The following GPHN variants were observed in gnomAD, a reference collection of about 807,000 sequenced individuals.
The protein encoded by GPHN is gephyrin.
GPHN carries 17 observed loss-of-function variants against 95.5 expected under a neutral mutation model. That is an observed-to-expected ratio of 0.18 (90% CI 0.12 to 0.27). The LOEUF is 0.27. GPHN is among the 10% of genes least tolerant of loss of function. GPHN has a pLI of 1.00. For synonymous variants in GPHN, 320 were observed against 322.5 expected (o/e 0.99, Z 0.08); for missense variants, 660 against 978.1 (o/e 0.67, Z 4.34).
chr14:66,586,579 C>T (rs186873368), intron 1 of GPHN, among the ~76,000 whole-genome samples: 13 of 152,248 alleles, frequency 8.5e-5, no homozygotes, highest in Admixed American at 7.2e-4. Context: ...GTAGGGCAGG[C>T]TTGGTGGTGA....
chr14:67,315,912 G>A, the GPHN span, among the ~76,000 whole-genome samples: 14 of 152,368 alleles, frequency 9.2e-5, no homozygotes, highest in East Asian at 1.3e-3. Context: ...GTGACAGAGC[G>A]AGACTTCGTC....
chr14:67,689,919 T>C, the GPHN span, among the ~76,000 whole-genome samples: 2 of 151,536 alleles, frequency 1.3e-5, no homozygotes, highest in African/African-American at 4.9e-5. Context: ...CACTCCAGCA[T>C]GGGTGACAGA....
intron 9 of GPHN, among the ~76,000 whole-genome samples, chr14:67,000,438 A>T (rs977516929): frequency 1.3e-5 from 2 of 151,762 alleles, no homozygotes; most frequent in African/African-American, 4.8e-5. Flanking sequence ...TAAAGATTCT[A>T]TACTGTGAGA....
At chr14:67,637,173 G>T in the GPHN span, among the ~76,000 whole-genome samples, 2 of 152,112 alleles carry the variant, frequency 1.3e-5, no homozygotes, top group Non-Finnish European at 2.9e-5. Context: ...GCTTTGGGAG[G>T]CTGAAGTGGG....
At chr14:67,382,877 CAAGA>C in the GPHN span, among the ~76,000 whole-genome samples, 3 of 151,636 alleles carry the variant, frequency 2.0e-5, no homozygotes, top group South Asian at 2.1e-4. Context: ...CCTTGTCCAA[CAAGA>C]AAGAAGTGTG....
chr14:67,393,137 G>A, the GPHN span: 7 of 1,595,242 alleles, frequency 4.4e-6, no homozygotes, highest in Non-Finnish European at 6.0e-6. Context: ...CCGGCCCTGG[G>A]GGACAGGCTC....
At chr14:66,632,990 T>C (rs2063902866) in intron 1 of GPHN, among the ~76,000 whole-genome samples, 1 of 152,228 alleles carries the variant, frequency 6.6e-6, no homozygotes. Context: ...TTCTGTGCCC[T>C]TGCTCAGGCC....
Position 66,955,538 on chromosome 14 carries a change from C to T in GPHN, c.829-9653C>T, listed in dbSNP as rs189586071. Among the ~76,000 whole-genome samples, 17 of 151,992 alleles carry T rather than the reference C, an allele frequency of 1.1e-4. No homozygotes were observed. In the East Asian group the frequency reaches 3.3e-3, roughly 29 times the overall value. On this transcript the variant is annotated intron_variant, in intron 8 of 22. Coordinates refer to ENST00000478722, the MANE Select transcript of GPHN (RefSeq NM_020806.5). ...TTGTCAGCCTACTTAAAGATTTGTT[C>T]GTTTTGTTATTACTTTTATTTTTTT...
chr14:66,942,966 A>G (rs1032073556), intron 8 of GPHN, among the ~76,000 whole-genome samples: 2 of 152,230 alleles, frequency 1.3e-5, no homozygotes, highest in African/African-American at 4.8e-5. Flanking sequence ...TTAAAAAAGC[A>G]AAAACTTATT....
chr14:67,057,769 G>A (rs562311686), intron 10 of GPHN, among the ~76,000 whole-genome samples: 151 of 151,700 alleles, frequency 1.0e-3, no homozygotes, highest in Non-Finnish European at 1.8e-3. Context: ...TTCATGGCAG[G>A]ATATATTTTA....
chr14:67,575,572 C>T, the GPHN span: 2 of 811,558 alleles, frequency 2.5e-6, no homozygotes, highest in South Asian at 1.5e-5. Context: ...CACGTAACCC[C>T]ACAATAAATA....
chr14:66,648,434 A>G (rs752826628), intron 1 of GPHN, among the ~76,000 whole-genome samples: 3 of 152,212 alleles, frequency 2.0e-5, no homozygotes, highest in African/African-American at 4.8e-5. Context: ...CAGGCACTGC[A>G]TATTTCAATC....
chr14:67,147,894 T>A (rs1250199862), intron 18 of GPHN, among the ~76,000 whole-genome samples: 3 of 152,144 alleles, frequency 2.0e-5, no homozygotes, highest in Non-Finnish European at 2.9e-5. Flanking sequence ...TTTAAACAAA[T>A]CTAATTATTC....
chr14:66,805,175 C>T (rs920335696), intron 3 of GPHN, among the ~76,000 whole-genome samples: 5 of 152,106 alleles, frequency 3.3e-5, no homozygotes, highest in Admixed American at 6.5e-5. Flanking sequence ...ACATGGATGG[C>T]GGCAGGCAAA....
the GPHN span, among the ~76,000 whole-genome samples, chr14:67,655,248 G>A: frequency 6.6e-6 from 1 of 151,608 alleles, no homozygotes; most frequent in African/African-American, 2.4e-5. Flanking sequence ...GATCACTTGA[G>A]CCCAGGAGTT....
chr14:67,353,036 G>A, the GPHN span: 7 of 1,606,236 alleles, frequency 4.4e-6, no homozygotes, highest in African/African-American at 1.3e-5. Flanking sequence ...ATGATGGTCT[G>A]TGCCCTATAT....
intron 5 of GPHN, among the ~76,000 whole-genome samples, chr14:66,911,247 A>G (rs2065661030): frequency 6.6e-6 from 1 of 151,948 alleles, no homozygotes; most frequent in Non-Finnish European, 1.5e-5. Flanking sequence ...AGCTTAGTGA[A>G]TGCCTAGGGC....
At chr14:67,261,129 A>G in the GPHN span, among the ~76,000 whole-genome samples, 1 of 152,200 alleles carries the variant, frequency 6.6e-6, no homozygotes, top group African/African-American at 2.4e-5. Context: ...TAGTGAATGA[A>G]TGGTACATAG....
the GPHN span, among the ~76,000 whole-genome samples, chr14:67,638,033 G>T: frequency 6.6e-6 from 1 of 152,178 alleles, no homozygotes; most frequent in South Asian, 2.1e-4. Context: ...AGATGGCAAA[G>T]TCCTAGGCAT....
Sources: gnomAD v4.1 joint callset for allele counts (sites outside exome capture counted in the v4.1 genomes callset) on GRCh38, gnomAD v4.1.1 for gene constraint, MANE v1.5 for transcripts, NCBI Gene and HGNC (gene_info 2026-07-23, HGNC 2026-07-21) for gene names.